PDE4B: variants seen among roughly 807,000 people sequenced by gnomAD.
PDE4B encodes 3',5'-cyclic-AMP phosphodiesterase 4B.
A neutral mutation model predicts 82.2 loss-of-function variants in PDE4B; 20 were observed. The ratio of observed to expected loss-of-function variants is 0.24; its 90% CI spans 0.17 to 0.35. The LOEUF is 0.35. PDE4B is among the 10% of genes least tolerant of loss of function. The probability of loss-of-function intolerance (pLI) is 1.00; values close to 1 mark genes in which losing one functional copy is unlikely to be tolerated. For missense variants in PDE4B, 655 were observed against 907.2 expected (o/e 0.72, Z 3.57); for synonymous variants, 320 against 318.9 (o/e 1.00, Z -0.04).
intron 3 of PDE4B, among the ~76,000 whole-genome samples, chr1:66,054,317 T>C (rs1348580343): frequency 7.2e-5 from 11 of 152,198 alleles, no homozygotes; most frequent in Admixed American, 7.2e-4. Context: ...AACAGCTTTA[T>C]TGGGGGGATA....
intron 3 of PDE4B, among the ~76,000 whole-genome samples, chr1:65,959,977 C>T (rs1649464106): frequency 6.6e-6 from 1 of 152,100 alleles, no homozygotes; most frequent in Non-Finnish European, 1.5e-5. Flanking sequence ...TCCTAAACTG[C>T]AGGGATTACG....
intron 3 of PDE4B, among the ~76,000 whole-genome samples, chr1:66,157,563 C>A (rs1159775755): frequency 1.3e-5 from 2 of 152,180 alleles, no homozygotes; most frequent in African/African-American, 4.8e-5. Flanking sequence ...AATTCATTCC[C>A]TCAACTCCTT....
chr1:65,899,245 T>C (rs1190470288), intron 1 of PDE4B, among the ~76,000 whole-genome samples: 2 of 151,704 alleles, frequency 1.3e-5, no homozygotes, highest in Admixed American at 6.6e-5. Flanking sequence ...ATCAGGAAAA[T>C]GCAAATTAAA....
At chr1:65,878,585 C>T (rs948240646) in intron 1 of PDE4B, among the ~76,000 whole-genome samples, 14 of 152,118 alleles carry the variant, frequency 9.2e-5, no homozygotes, top group Admixed American at 4.6e-4. Context: ...TTTGCAGGGA[C>T]GTGGATGAAG....
chr1:65,981,747 A>G (rs1303636170), intron 3 of PDE4B, among the ~76,000 whole-genome samples: 1 of 152,142 alleles, frequency 6.6e-6, no homozygotes, highest in Non-Finnish European at 1.5e-5. Flanking sequence ...TGTGATGATA[A>G]TGTATATAAA....
chr1:65,904,656 CA>C (rs1169831956), intron 1 of PDE4B, among the ~76,000 whole-genome samples: 1 of 152,048 alleles, frequency 6.6e-6, no homozygotes, highest in East Asian at 1.9e-4. Context: ...CTCTGATAAA[CA>C]ATGCTTATTT....
chr1:66,237,744 A>G (rs1255370394), intron 3 of PDE4B, among the ~76,000 whole-genome samples: 1 of 152,230 alleles, frequency 6.6e-6, no homozygotes, highest in Admixed American at 6.5e-5. Flanking sequence ...AATACTTTGT[A>G]AAAACAAGTT....
rs754211665 is a variant in PDE4B at position 66,332,428 on chromosome 1, C to CAGCGGTGGT, written c.635-72_635-64dup. ...GGGGCACCTTCAGTAGCACCGGAAT[C>CAGCGGTGGT]AGCGGTGGTAGCGGTGACTCTGCTA... On this transcript the variant is annotated intron_variant, in intron 7 of 16. Coordinates refer to ENST00000341517, the MANE Select transcript of PDE4B (RefSeq NM_002600.4). The CAGCGGTGGT allele has an allele frequency of 2.5e-6, 4 of 1,614,148 alleles. No individual in the cohort carries two copies. The East Asian group carries it at 8.9e-5, about 36-fold the overall frequency.
intron 3 of PDE4B, among the ~76,000 whole-genome samples, chr1:66,220,625 G>A (rs1482462803): frequency 1.3e-5 from 2 of 152,084 alleles, no homozygotes; most frequent in African/African-American, 2.4e-5. Flanking sequence ...CTTTTTATCT[G>A]TGATTTATCC....
rs765286716 is a variant in PDE4B at position 65,992,986 on chromosome 1, A to G, written c.281+74151A>G. Reference sequence around the variant, plus strand: ...ATAAAGACTTTCAAGGAGCAAATGCATTTAGAACTTGAGCTTCCGAGATTA... The same window carrying G: ...ATAAAGACTTTCAAGGAGCAAATGCGTTTAGAACTTGAGCTTCCGAGATTA... On this transcript the variant is annotated intron_variant, in intron 3 of 16. Coordinates refer to ENST00000341517, the MANE Select transcript of PDE4B (RefSeq NM_002600.4). The G allele has an allele frequency of 6.2e-6, 10 of 1,613,916 alleles. No homozygotes were observed. The African/African-American group carries it at 9.3e-5, about 15-fold the overall frequency.
intron 3 of PDE4B, among the ~76,000 whole-genome samples, chr1:65,946,024 G>A (rs569432118): frequency 2.0e-5 from 3 of 151,840 alleles, no homozygotes; most frequent in Non-Finnish European, 2.9e-5. Context: ...CTACTCTGTG[G>A]TACAACAGCA....
Position 66,056,442 on chromosome 1 carries a change from C to T in PDE4B, c.281+137607C>T, listed in dbSNP as rs142336022. ...CCAAAGAATGAAGGCAGCATCTAGACATGGAGAAAGCAAGGAAATTTTATA... is the reference window on the plus strand; with the variant it reads ...CCAAAGAATGAAGGCAGCATCTAGATATGGAGAAAGCAAGGAAATTTTATA... On this transcript the variant is annotated intron_variant, in intron 3 of 16. Coordinates refer to ENST00000341517, the MANE Select transcript of PDE4B (RefSeq NM_002600.4). 3.9e-4 allele frequency among the ~76,000 whole-genome samples: 60 copies of T among 152,168 alleles called. No individual in the cohort carries two copies. In the East Asian group the frequency reaches 0.011, roughly 28 times the overall value.
intron 3 of PDE4B, among the ~76,000 whole-genome samples, chr1:66,241,019 A>C (rs1652850641): frequency 6.6e-6 from 1 of 152,206 alleles, no homozygotes; most frequent in Non-Finnish European, 1.5e-5. Flanking sequence ...TGGAGAAAGC[A>C]GTTTTGGATT....
chr1:66,237,219 A>G (rs1056380540), intron 3 of PDE4B, among the ~76,000 whole-genome samples: 1 of 152,320 alleles, frequency 6.6e-6, no homozygotes, highest in Middle Eastern at 3.4e-3. Flanking sequence ...CTGCAGGTGC[A>G]GTGTTCAAGA....
At chr1:66,170,838 A>T (rs1646823687) in intron 3 of PDE4B, among the ~76,000 whole-genome samples, 2 of 152,216 alleles carry the variant, frequency 1.3e-5, no homozygotes, top group Non-Finnish European at 2.9e-5. Context: ...TGTAGTTTTT[A>T]AACTGATTTA....
chr1:66,032,144 G>C (rs930164716), intron 3 of PDE4B, among the ~76,000 whole-genome samples: 6 of 152,126 alleles, frequency 3.9e-5, no homozygotes, highest in African/African-American at 1.2e-4. Context: ...GTATAAGTGG[G>C]GAGAAAATAA....
chr1:65,997,973 T>C (rs1651644584), intron 3 of PDE4B, among the ~76,000 whole-genome samples: 1 of 151,306 alleles, frequency 6.6e-6, no homozygotes, highest in African/African-American at 2.4e-5. Context: ...TGAATAGGAG[T>C]TTTCTAGGAG....
At chr1:66,355,010 C>T (rs1662127762) in intron 8 of PDE4B, 5 of 833,262 alleles carry the variant, frequency 6.0e-6, no homozygotes, top group South Asian at 1.6e-5. Flanking sequence ...TCATTTAACC[C>T]ACTGGGACCT....
intron 1 of PDE4B, among the ~76,000 whole-genome samples, chr1:65,882,662 G>T (rs34868502): frequency 0.19 from 25,760 of 138,290 alleles, 2,362 homozygotes; most frequent in South Asian, 0.31. Context: ...TCTTGTTTAT[G>T]GCAACTATTT....
Sources: allele counts gnomAD v4.1 joint callset (sites outside exome capture counted in the v4.1 genomes callset), GRCh38; gene constraint gnomAD v4.1.1; transcripts MANE v1.5; gene names NCBI Gene and HGNC (gene_info 2026-07-23, HGNC 2026-07-21).